Variants in AHCTF1 observed in about 807,000 individuals in gnomAD.
AHCTF1 encodes protein ELYS.
AHCTF1 carries 24 observed loss-of-function variants against 248.4 expected under a neutral mutation model. The ratio of observed to expected loss-of-function variants is 0.10; its 90% CI spans 0.07 to 0.14. The LOEUF (loss-of-function observed/expected upper bound fraction) is 0.14, where lower values mean the gene tolerates loss of function less well. AHCTF1 is among the 10% of genes least tolerant of loss of function. The pLI is 1.00. For missense variants in AHCTF1, 2,206 were observed against 2,636.2 expected (o/e 0.84, Z 3.57); for synonymous variants, 786 against 929.8 (o/e 0.85, Z 2.81).
intron 1 of AHCTF1, among the ~76,000 whole-genome samples, chr1:246,928,742 A>C (rs575855369): frequency 6.6e-6 from 1 of 152,364 alleles, no homozygotes; most frequent in Admixed American, 6.5e-5. Flanking sequence ...ATTATATTGC[A>C]ACATGTACCA....
At position 246,860,192 on chromosome 1, in the gene AHCTF1, G is replaced by T. The variant is rs575173036; in HGVS notation, c.4132+707C>A. Among the ~76,000 whole-genome samples, 22 of 151,842 alleles carry T rather than the reference G, an allele frequency of 1.4e-4. No individual in the cohort carries two copies. The South Asian group carries it at 1.5e-3, about 10-fold the overall frequency. Reference sequence around the variant, plus strand: ...GAAGAACTGCTTGAACCTGGTTGGGGGGGGGGCGGAGGTTGCAGTGAGCCG... The same window carrying T: ...GAAGAACTGCTTGAACCTGGTTGGGTGGGGGGCGGAGGTTGCAGTGAGCCG... On this transcript the variant is annotated intron_variant, in intron 29 of 35. Transcript: ENST00000648844.
intron 24 of AHCTF1, among the ~76,000 whole-genome samples, chr1:246,875,398 C>T (rs1047215321): frequency 2.0e-5 from 3 of 152,214 alleles, no homozygotes; most frequent in Non-Finnish European, 4.4e-5. Context: ...TGACCAAAAC[C>T]TGCCTTCTTG....
At chr1:246,876,861 C>T in intron 23 of AHCTF1, 89 bp downstream of exon 23, 1 of 1,481,256 alleles carries the variant, frequency 6.8e-7, no homozygotes, top group Non-Finnish European at 9.2e-7. Flanking sequence ...ACAGTGGTTA[C>T]CAAACTGTAA....
intron 23 of AHCTF1, 53 bp downstream of exon 23, chr1:246,876,897 C>T (rs1028016100): frequency 1.3e-6 from 2 of 1,589,356 alleles, no homozygotes; most frequent in Admixed American, 3.6e-5. Context: ...CCAAAAAAGC[C>T]TCCAGTTTTC....
rs371230164 is a variant in AHCTF1 at position 246,881,291 on chromosome 1, A to G, written c.2661-3989T>C. Among the ~76,000 whole-genome samples, 16 of 152,372 alleles carry G rather than the reference A, an allele frequency of 1.1e-4. No homozygotes were observed. The East Asian group carries it at 3.1e-3, about 29-fold the overall frequency. On this transcript the variant is annotated intron_variant, in intron 21 of 35. Transcript: ENST00000648844. ...AAAACTCTTATGTACCTAATATTCA[A>G]AATACAAAAAGCTGGCAATATTGTG...
At chr1:246,868,045 C>G (rs913567949) in intron 24 of AHCTF1, among the ~76,000 whole-genome samples, 1 of 151,822 alleles carries the variant, frequency 6.6e-6, no homozygotes, top group African/African-American at 2.4e-5. Context: ...TCACTGCACC[C>G]TCTGCCTCCT....
chr1:246,868,323 G>C (rs547298234), intron 24 of AHCTF1, among the ~76,000 whole-genome samples: 1 of 152,030 alleles, frequency 6.6e-6, no homozygotes, highest in South Asian at 2.1e-4. Flanking sequence ...GTTTCACCAT[G>C]TTGGCCAGGC....
At chr1:246,854,298 CAAAAAA>C (rs56086758) in intron 31 of AHCTF1, among the ~76,000 whole-genome samples, 8 of 113,496 alleles carry the variant, frequency 7.0e-5, no homozygotes, top group South Asian at 3.0e-4. Flanking sequence ...GACTCTGTTT[CAAAAAA>C]AAAAAAAAAA....
chr1:246,864,347 C>T (rs1309715438), intron 26 of AHCTF1: 3 of 421,974 alleles, frequency 7.1e-6, no homozygotes, highest in African/African-American at 2.1e-5. Flanking sequence ...AAAGAGTTTG[C>T]GTCGTCCTCC....
At chr1:246,852,009 G>C (rs1660747296) in intron 32 of AHCTF1, 1 of 152,788 alleles carries the variant, frequency 6.5e-6, no homozygotes, top group Non-Finnish European at 1.5e-5. Context: ...GCAAGGGTTT[G>C]GTGGAAGAAG....
chr1:246,929,845 A>G (rs1383189146), intron 1 of AHCTF1, among the ~76,000 whole-genome samples: 2 of 152,226 alleles, frequency 1.3e-5, no homozygotes, highest in Non-Finnish European at 2.9e-5. Flanking sequence ...CGAGGTCAGA[A>G]GTTCAAGACC....
Position 246,916,232 on chromosome 1 carries a change from T to G in AHCTF1, c.285A>C (p.Leu95Phe). Residue 95 changes from leucine to phenylalanine, a missense_variant, in exon 3 of 36, where the codon TTA (leucine) becomes TTC (phenylalanine). Leu to Phe is a conservative substitution (Grantham distance 22). Transcript: ENST00000648844. ...TCCCTTCTGTTTCTTCCAATCCTAT[T>G]AATAATCCAGTTCTCTTCTGCCAAG... ...EFSWQKRTGL[L>F]IGLEETEGSV... 6.2e-7 allele frequency: 1 copy of G among 1,607,992 alleles called. No homozygotes were observed. The highest frequency in any genetic ancestry group is 1.3e-5 in the African/African-American group (1 of 74,822).
Position 246,888,529 on chromosome 1 carries a change from G to A in AHCTF1, c.2145-12C>T. 1.2e-6 allele frequency: 2 copies of A among 1,611,454 alleles called. No individual in the cohort carries two copies. Among genetic ancestry groups the A allele is most frequent in the South Asian group, 2.2e-5 (2 of 90,548 alleles). The stretch of plus-strand genomic sequence containing the variant: ...GATTCCACTTCCCTCTGCAATCAGG[G>A]AAAAATTAAGACTTATTTAATATCA... On this transcript the variant is annotated splice_polypyrimidine_tract_variant and intron_variant, in intron 17 of 35. Transcript: ENST00000648844.
intron 21 of AHCTF1, among the ~76,000 whole-genome samples, chr1:246,881,488 A>G (rs929875232): frequency 1.3e-5 from 2 of 152,184 alleles, no homozygotes; most frequent in African/African-American, 4.8e-5. Context: ...TGGAGAATAC[A>G]TTGAGTACTT....
chr1:246,852,592 T>C (rs1271200729), intron 32 of AHCTF1, among the ~76,000 whole-genome samples: 2 of 152,074 alleles, frequency 1.3e-5, no homozygotes, highest in Non-Finnish European at 2.9e-5. Flanking sequence ...CAAGGATGCA[T>C]GGGGCGGGGG....
intron 1 of AHCTF1, among the ~76,000 whole-genome samples, chr1:246,926,093 CTCA>C (rs1666904472): frequency 6.6e-6 from 1 of 151,106 alleles, no homozygotes; most frequent in Non-Finnish European, 1.5e-5. Flanking sequence ...ACTCCCCACT[CTCA>C]TCATGTGAGT....
At chr1:246,894,830 A>C in intron 13 of AHCTF1, 82 bp from the exon 14 acceptor site, 1 of 1,187,608 alleles carries the variant, frequency 8.4e-7, no homozygotes, top group Non-Finnish European at 1.2e-6. Context: ...GAAGCATGGC[A>C]GACAGCACCC....
chr1:246,930,553 A>C (rs1667271574), intron 1 of AHCTF1, among the ~76,000 whole-genome samples: 1 of 150,444 alleles, frequency 6.6e-6, no homozygotes, highest in Non-Finnish European at 1.5e-5. Context: ...CTCCTAAGAG[A>C]CTCTATCAGT....
At chr1:246,875,897 G>A (rs1215386451) in intron 24 of AHCTF1, 140 bp downstream of exon 24, 3 of 823,562 alleles carry the variant, frequency 3.6e-6, no homozygotes, top group Non-Finnish European at 5.5e-6. Flanking sequence ...GCAGTGATCT[G>A]GAACCAAACC....
Sources: gnomAD v4.1 joint callset for allele counts (sites outside exome capture counted in the v4.1 genomes callset) on GRCh38, gnomAD v4.1.1 for gene constraint, MANE v1.5 for transcripts, NCBI Gene and HGNC (gene_info 2026-07-23, HGNC 2026-07-21) for gene names.